The following AIRE variants were observed in gnomAD, a reference collection of about 807,000 sequenced individuals.
AIRE encodes the protein autoimmune polyendocrinopathy candidiasis ectodermal dystrophy protein.
Under a neutral mutation model 62.1 loss-of-function variants are expected in AIRE, and 52 were observed. The observed-to-expected ratio is 0.84, with a 90% CI of 0.67 to 1.06. The LOEUF is 1.06. Ranked by LOEUF, AIRE falls within the 50% of genes least tolerant of loss-of-function variation. The pLI is 0.00. For synonymous variants in AIRE, 342 were observed against 321.6 expected (o/e 1.06, Z -0.68); for missense variants, 774 against 755.8 (o/e 1.02, Z -0.28).
intron 12 of AIRE, among the ~76,000 whole-genome samples, chr21:44,294,951 C>T (rs772901510): frequency 1.3e-4 from 20 of 152,284 alleles, no homozygotes; most frequent in Middle Eastern, 3.4e-3. Context: ...CAAAGTGACC[C>T]CGGGTCCAGC....
intron 13 of AIRE, 139 bp downstream of exon 13, chr21:44,296,584 A>G: frequency 2.4e-6 from 2 of 819,532 alleles, no homozygotes; most frequent in South Asian, 1.4e-5. Flanking sequence ...TCCCTGCTCC[A>G]CCCACCAGGA....
intron 7 of AIRE, chr21:44,290,684 A>G (rs2040527564): frequency 7.8e-7 from 1 of 1,286,682 alleles, no homozygotes. Context: ...CCCTGAAGGC[A>G]CAGCAGGCAC....
chr21:44,292,957 C>T (rs1344894733), intron 9 of AIRE, 36 bp from the exon 10 acceptor site: 1 of 1,602,712 alleles, frequency 6.2e-7, no homozygotes, highest in Non-Finnish European at 8.5e-7. Context: ...CGGGCAGGCG[C>T]CCGCTGCCCC....
chr21:44,293,740 T>A, intron 10 of AIRE, 49 bp from the exon 11 acceptor site: 1 of 1,594,366 alleles, frequency 6.3e-7, no homozygotes, highest in Non-Finnish European at 8.5e-7. Context: ...CGGGTTCAGC[T>A]ACATTTCCCC....
intron 8 of AIRE, 22 bp downstream of exon 8, chr21:44,291,232 C>A (rs747034666): frequency 3.1e-6 from 5 of 1,597,242 alleles, no homozygotes; most frequent in Non-Finnish European, 4.2e-6. Flanking sequence ...CCTCTGCCAG[C>A]GCAACCAGGC....
chr21:44,293,164 G>A lies in AIRE; in HGVS notation c.1267G>A (p.Glu423Lys). 2 of 1,566,292 alleles carry A rather than the reference G, an allele frequency of 1.3e-6. No individual in the cohort carries two copies. Among genetic ancestry groups the A allele is most frequent in the Non-Finnish European group, 1.7e-6 (2 of 1,154,908 alleles). ...GCACCCCCTACTGTGTGTGGGTCCT[G>A]AGGGTCAGCAGGTGAGCGGGGAGTG... ...ALHPLLCVGP[E>K]GQQNLAPGAR... Residue 423 changes from glutamate to lysine, a missense_variant, in exon 10 of 14, where the codon GAG becomes AAG. Coordinates refer to ENST00000291582, the MANE Select transcript of AIRE (RefSeq NM_000383.4).
chr21:44,287,295 C>T lies in AIRE; in HGVS notation c.463+162C>T, dbSNP rs2040492538. On this transcript the variant is annotated intron_variant, in intron 3 of 13. Coordinates refer to ENST00000291582, the MANE Select transcript of AIRE (RefSeq NM_000383.4). The surrounding 1 kb of genome is among the most constrained non-coding windows in gnomAD (Gnocchi z 4.3). Reference sequence around the variant, plus strand: ...TGGGTACTAGACCCACACACTGGACCAGCCTCTCAGCTCCCTCCTGCCTGA... The same window carrying T: ...TGGGTACTAGACCCACACACTGGACTAGCCTCTCAGCTCCCTCCTGCCTGA... 2 of 844,660 alleles carry T rather than the reference C, an allele frequency of 2.4e-6. No individual in the cohort carries two copies. The highest frequency in any genetic ancestry group is 2.6e-5 in the Admixed American group (1 of 38,766). The allele number at this position is 844,660 out of a possible 1,614,324, so 52.3% of individuals were successfully genotyped here.
At chr21:44,294,380 G>A (rs2040583663) in intron 11 of AIRE, 21 bp from the exon 12 acceptor site, 2 of 1,530,268 alleles carry the variant, frequency 1.3e-6, no homozygotes, top group Non-Finnish European at 1.8e-6. Context: ...AGGGCTGGCA[G>A]CCCCTCATCC....
intron 8 of AIRE, 51 bp from the exon 9 acceptor site, chr21:44,292,251 G>C: frequency 6.8e-7 from 1 of 1,470,272 alleles, no homozygotes; most frequent in Non-Finnish European, 9.3e-7. Context: ...TTGGGGATCT[G>C]TCACCCGCTG....
intron 8 of AIRE, among the ~76,000 whole-genome samples, chr21:44,291,682 A>C (rs2040541958): frequency 6.6e-6 from 1 of 151,966 alleles, no homozygotes; most frequent in African/African-American, 2.4e-5. Context: ...CTGCGTTCAC[A>C]TCCCGGTGCT....
Position 44,287,310 on chromosome 21 carries a change from C to T in AIRE, c.463+177C>T. On this transcript the variant is annotated intron_variant, in intron 3 of 13. Transcript: ENST00000291582. The surrounding 1 kb of genome is among the most constrained non-coding windows in gnomAD (Gnocchi z 4.3). ...CACACTGGACCAGCCTCTCAGCTCC[C>T]TCCTGCCTGAAGGCTGAGCTCCCCG... is the stretch of plus-strand genomic sequence containing the variant. 3 of 804,412 alleles carry T rather than the reference C, an allele frequency of 3.7e-6. No homozygotes were observed. Among genetic ancestry groups the T allele is most frequent in the Non-Finnish European group, 5.9e-6 (3 of 507,796 alleles). 49.8% of individuals were successfully genotyped at this position (804,412 alleles called of 1,614,324 possible).
At chr21:44,296,347 G>A in intron 12 of AIRE, 36 bp from the exon 13 acceptor site, 1 of 1,589,402 alleles carries the variant, frequency 6.3e-7, no homozygotes, top group Non-Finnish European at 8.6e-7. Flanking sequence ...AGGGCTGTGG[G>A]AGTTGGGCTG....
In AIRE at chr21:44,297,410, G is replaced by T. The variant is rs2040622053; in HGVS notation, c.1567-246G>T. 6.6e-6 allele frequency among the ~76,000 whole-genome samples: 1 copy of T among 152,088 alleles called. No homozygotes were observed. Among genetic ancestry groups the T allele is most frequent in the African/African-American group, 2.4e-5 (1 of 41,412 alleles). On this transcript the variant is annotated intron_variant, in intron 13 of 13. Transcript: ENST00000291582. The surrounding 1 kb of genome is among the most constrained non-coding windows in gnomAD (Gnocchi z 4.8). ...GGATGTGGTGAAGTACACAGGACAG[G>T]GTCCTCGGTCTGGCCTGTGCCATGG...
chr21:44,285,902 C>A lies in AIRE; in HGVS notation c.-105C>A. On this transcript the variant is annotated 5_prime_UTR_variant, in exon 1 of 14. Transcript: ENST00000291582. The stretch of plus-strand genomic sequence containing the variant: ...GGGAGACGGGCGGGCGCACAGCCGG[C>A]GCGGAGGCCCCACAGCCCCGCCGGG... 1 of 1,153,402 alleles carries A rather than the reference C, an allele frequency of 8.7e-7. No homozygotes were observed. 71.4% of individuals were successfully genotyped at this position (1,153,402 alleles called of 1,614,324 possible). A position where few individuals can be genotyped will look rare whatever the true frequency, so the allele number is the denominator to read the frequency against.
At chr21:44,296,968 G>T (rs562167505) in intron 13 of AIRE, among the ~76,000 whole-genome samples, 77 of 152,344 alleles carry the variant, frequency 5.1e-4, no homozygotes, top group African/African-American at 1.6e-3. Context: ...AAGAGGATAA[G>T]CTCCTTCAGC....
At position 44,287,034 on chromosome 21, in the gene AIRE, T is replaced by C; in HGVS notation, c.364T>C (p.Leu122=). ...GRKPPAVPKA[L]VPPPRLPTKR... ...GAAGCCCCCGGCCGTCCCCAAGGCT[T>C]TGGTACCGCCACCCAGACTCCCCAC... Residue 122 remains leucine, a synonymous_variant, in exon 3 of 14, where the codon TTG becomes CTG. Transcript: ENST00000291582. This position sits in a 1 kb window ranked among gnomAD's most constrained non-coding sequence, Gnocchi z 4.3. 1 of 1,612,634 alleles carries C rather than the reference T, an allele frequency of 6.2e-7. No homozygotes were observed. Among genetic ancestry groups the C allele is most frequent in the Non-Finnish European group, 8.5e-7 (1 of 1,179,938 alleles).
At chr21:44,295,225 C>T (rs1301568989) in intron 12 of AIRE, among the ~76,000 whole-genome samples, 3 of 152,224 alleles carry the variant, frequency 2.0e-5, no homozygotes, top group Admixed American at 1.3e-4. Context: ...CATGCTCTTT[C>T]CCAGCTGTGC....
intron 6 of AIRE, 47 bp downstream of exon 6, chr21:44,289,849 G>T: frequency 6.2e-7 from 1 of 1,611,210 alleles, no homozygotes; most frequent in Non-Finnish European, 8.5e-7. Context: ...GATGCCCCCC[G>T]CCCCAGGAAC....
chr21:44,290,262 G>C (rs2040522986), intron 7 of AIRE, 194 bp downstream of exon 7: 1 of 985,258 alleles, frequency 1.0e-6, no homozygotes, highest in Admixed American at 6.1e-5. Context: ...GTTTAAATGA[G>C]TCAGAGAAAG....
Sources: allele counts gnomAD v4.1 joint callset (sites outside exome capture counted in the v4.1 genomes callset), GRCh38; gene constraint gnomAD v4.1.1; non-coding constraint Gnocchi (gnomAD v3.1); transcripts MANE v1.5; gene names NCBI Gene and HGNC (gene_info 2026-07-23, HGNC 2026-07-21).